The following AVEN variants were observed in gnomAD, a reference collection of about 807,000 sequenced individuals.
The protein encoded by AVEN is apoptosis and caspase activation inhibitor, also known as cell death regulator Aven.
Under a neutral mutation model 38.1 loss-of-function variants are expected in AVEN, and 41 were observed. That is an observed-to-expected ratio of 1.08 (90% confidence interval 0.84 to 1.40). The LOEUF (loss-of-function observed/expected upper bound fraction) is 1.40. Ranked by LOEUF, AVEN falls within the 40% of genes most tolerant of loss-of-function variation. The pLI is 0.00. For missense variants in AVEN, 605 were observed against 438.8 expected, an observed-to-expected ratio of 1.38 and a Z score of -3.38; for synonymous variants, 206 against 171.8, an observed-to-expected ratio of 1.20 and a Z score of -1.56.
chr15:33,852,082 TAGG>T, the AVEN span: 1 of 52,010 alleles, frequency 1.9e-5, no homozygotes, highest in Admixed American at 2.2e-4. Flanking sequence ...CAGTGAATAG[TAGG>T]AGGTCTCCAT....
chr15:34,050,167 C>T (rs1160587011), intron 5 of AVEN, among the ~76,000 whole-genome samples: 2 of 152,054 alleles, frequency 1.3e-5, no homozygotes, highest in East Asian at 3.9e-4. Context: ...GGATTACAGG[C>T]GTGAGCCCCC....
intron 2 of AVEN, among the ~76,000 whole-genome samples, chr15:33,894,557 A>G (rs1346668007): frequency 6.8e-6 from 1 of 147,044 alleles, no homozygotes; most frequent in Non-Finnish European, 1.5e-5. Flanking sequence ...ACAGTGGCTC[A>G]CTAGCACTTT....
intron 1 of AVEN, among the ~76,000 whole-genome samples, chr15:34,032,192 A>G (rs527474397): frequency 4.5e-4 from 68 of 152,344 alleles, no homozygotes; most frequent in South Asian, 4.3e-3. Flanking sequence ...AGAAATAGTG[A>G]CATCTGAATA....
chr15:34,027,446 T>G (rs1402284849), intron 1 of AVEN, among the ~76,000 whole-genome samples: 1 of 151,216 alleles, frequency 6.6e-6, no homozygotes, highest in African/African-American at 2.4e-5. Flanking sequence ...GGAGAATCGC[T>G]TGAACCCGGA....
At chr15:34,069,585 A>G (rs1362765465) in intron 2 of AVEN, among the ~76,000 whole-genome samples, 1 of 152,210 alleles carries the variant, frequency 6.6e-6, no homozygotes, top group Non-Finnish European at 1.5e-5. Context: ...TCACATCAGG[A>G]GGCATATGAT....
intron 1 of AVEN, among the ~76,000 whole-genome samples, 198 bp downstream of exon 1, chr15:34,038,582 G>C (rs1238217615): frequency 6.6e-6 from 1 of 150,788 alleles, no homozygotes. Context: ...GAGGCCACGA[G>C]GGCCAAGCGC....
At chr15:33,931,131 G>A (rs924236458) in intron 2 of AVEN, among the ~76,000 whole-genome samples, 3 of 151,864 alleles carry the variant, frequency 2.0e-5, no homozygotes, top group Non-Finnish European at 2.9e-5. Context: ...CGATGGATAC[G>A]GCACAAACAA....
intron 2 of AVEN, among the ~76,000 whole-genome samples, chr15:33,945,728 G>C (rs1175513607): frequency 6.6e-6 from 1 of 152,070 alleles, no homozygotes; most frequent in African/African-American, 2.4e-5. Context: ...TGGGACTACA[G>C]GTGCACACCA....
At chr15:33,915,630 T>C (rs189583115) in intron 2 of AVEN, among the ~76,000 whole-genome samples, 1 of 152,108 alleles carries the variant, frequency 6.6e-6, no homozygotes, top group Non-Finnish European at 1.5e-5. Context: ...CAGCTGAGCT[T>C]TGTAACAATT....
At chr15:34,051,171 T>C (rs556079915) in intron 5 of AVEN, among the ~76,000 whole-genome samples, 91 of 152,212 alleles carry the variant, frequency 6.0e-4, no homozygotes, top group Non-Finnish European at 1.2e-3. Flanking sequence ...GCAATCAAAT[T>C]AGAACTCAAG....
intron 2 of AVEN, among the ~76,000 whole-genome samples, chr15:33,958,369 CAGG>C (rs1198507989): frequency 6.6e-6 from 1 of 152,038 alleles, no homozygotes; most frequent in Non-Finnish European, 1.5e-5. Context: ...CGCTTAAGGC[CAGG>C]AGTTCAAGAC....
intron 1 of AVEN, among the ~76,000 whole-genome samples, chr15:34,034,973 T>C (rs1270292118): frequency 1.3e-5 from 2 of 152,230 alleles, no homozygotes; most frequent in African/African-American, 4.8e-5. Flanking sequence ...GACAAGCGGC[T>C]GGTGGCTACT....
intron 2 of AVEN, among the ~76,000 whole-genome samples, chr15:33,921,238 A>C (rs544660966): frequency 2.0e-5 from 3 of 152,336 alleles, no homozygotes; most frequent in South Asian, 4.1e-4. Context: ...ATAAAGATTA[A>C]TCTTCTCAGT....
intron 1 of AVEN, among the ~76,000 whole-genome samples, chr15:34,027,311 T>G (rs1271575978): frequency 6.6e-6 from 1 of 151,750 alleles, no homozygotes; most frequent in African/African-American, 2.4e-5. Flanking sequence ...GGTCAGGAGT[T>G]CAAAACCAGC....
chr15:34,002,368 G>A (rs1897170018), intron 2 of AVEN, among the ~76,000 whole-genome samples: 2 of 144,652 alleles, frequency 1.4e-5, no homozygotes, highest in African/African-American at 5.0e-5. Flanking sequence ...CTATCTTCCA[G>A]TTATTCTTTA....
chr15:34,046,145 A>G (rs1899672841), intron 5 of AVEN, among the ~76,000 whole-genome samples: 1 of 152,192 alleles, frequency 6.6e-6, no homozygotes, highest in Non-Finnish European at 1.5e-5. Flanking sequence ...CCCTTTCAAA[A>G]ACATAATCAA....
At chr15:34,017,017 GC>G (rs67300038) in intron 1 of AVEN, among the ~76,000 whole-genome samples, 94,964 of 151,648 alleles carry the variant, frequency 0.63, 34,743 homozygotes, top group Non-Finnish European at 0.82. Flanking sequence ...TGTAGTCCAA[GC>G]TACTCAGGAG....
downstream of AVEN, chr15:33,861,264 A>G (rs1431888972): frequency 1.0e-5 from 10 of 992,720 alleles, no homozygotes; most frequent in South Asian, 1.4e-5. Context: ...CTGCTGGAAA[A>G]AGAGTAACCA....
chr15:33,885,563 G>A (rs1182712386), intron 2 of AVEN: 1 of 152,144 alleles, frequency 6.6e-6, no homozygotes, highest in Non-Finnish European at 1.5e-5. Context: ...ATGAACAAGA[G>A]AATAATAATA....
Sources: allele counts gnomAD v4.1 joint callset (sites outside exome capture counted in the v4.1 genomes callset), GRCh38; gene constraint gnomAD v4.1.1; transcripts MANE v1.5; gene names NCBI Gene and HGNC (gene_info 2026-07-23, HGNC 2026-07-21).